Variants in DPYD observed in about 807,000 individuals in gnomAD.
DPYD encodes the protein dihydropyrimidine dehydrogenase, also known as dihydropyrimidine dehydrogenase [NADP(+)].
Under a neutral mutation model 116.2 loss-of-function variants are expected in DPYD, and 109 were observed. The observed-to-expected ratio is 0.94, with a 90% CI of 0.80 to 1.10. DPYD has a LOEUF of 1.10. DPYD is among the 50% of genes least tolerant of loss of function. The probability of loss-of-function intolerance (pLI) is 0.00; values close to 1 mark genes in which losing one functional copy is unlikely to be tolerated. For synonymous variants in DPYD, 440 were observed against 432.0 expected (o/e 1.02, Z -0.23); for missense variants, 1,302 against 1,254.5 (o/e 1.04, Z -0.57).
Position 97,181,018 on chromosome 1 carries a change from T to C in DPYD, c.2622+12051A>G, listed in dbSNP as rs547852411. Among the ~76,000 whole-genome samples, 8 of 152,274 alleles carry C rather than the reference T, an allele frequency of 5.3e-5. No individual in the cohort carries two copies. The South Asian group carries it at 8.3e-4, about 16-fold the overall frequency. On this transcript the variant is annotated intron_variant, in intron 20 of 22. Transcript: ENST00000370192. The stretch of plus-strand genomic sequence containing the variant: ...CACATTGCTGCCCAAATTCCTAGAA[T>C]TGGTGACCTGTTGGTACTCCACACT...
At chr1:97,370,581 A>C (rs1031526234) in intron 16 of DPYD, among the ~76,000 whole-genome samples, 3 of 152,132 alleles carry the variant, frequency 2.0e-5, no homozygotes, top group Non-Finnish European at 4.4e-5. Flanking sequence ...ACTTAAAGCA[A>C]ATTTTTTTTT....
At chr1:97,834,299 T>C (rs1463715091) in intron 2 of DPYD, among the ~76,000 whole-genome samples, 2 of 152,010 alleles carry the variant, frequency 1.3e-5, no homozygotes, top group Admixed American at 1.3e-4. Context: ...AATATTTATT[T>C]AGAACATAAT....
intron 3 of DPYD, among the ~76,000 whole-genome samples, chr1:97,804,157 T>C (rs1323380988): frequency 6.6e-6 from 1 of 151,826 alleles, no homozygotes; most frequent in East Asian, 1.9e-4. Context: ...TATTCTCATT[T>C]GTTATGAATA....
chr1:97,207,965 T>C (rs1190248635), intron 19 of DPYD, among the ~76,000 whole-genome samples: 2 of 152,168 alleles, frequency 1.3e-5, no homozygotes, highest in African/African-American at 4.8e-5. Flanking sequence ...AATGTATTAT[T>C]GAGCAAATTT....
At chr1:97,604,881 G>A (rs1655487664) in intron 8 of DPYD, among the ~76,000 whole-genome samples, 1 of 151,978 alleles carries the variant, frequency 6.6e-6, no homozygotes, top group African/African-American at 2.4e-5. Context: ...GTTTTTTACA[G>A]ACTCCAAGAC....
intron 8 of DPYD, among the ~76,000 whole-genome samples, chr1:97,651,104 T>C (rs1201581214): frequency 6.6e-6 from 1 of 152,158 alleles, no homozygotes; most frequent in Non-Finnish European, 1.5e-5. Context: ...TAGCTATAAT[T>C]TATTCATCTT....
At chr1:97,776,017 T>C (rs536660828) in intron 3 of DPYD, among the ~76,000 whole-genome samples, 1 of 152,150 alleles carries the variant, frequency 6.6e-6, no homozygotes, top group South Asian at 2.1e-4. Flanking sequence ...TTTGATAAGG[T>C]TGGGAGGGAA....
At chr1:97,354,015 C>T (rs1229138776) in intron 16 of DPYD, among the ~76,000 whole-genome samples, 2 of 152,200 alleles carry the variant, frequency 1.3e-5, no homozygotes, top group African/African-American at 4.8e-5. Context: ...CTTACCCTTT[C>T]TGAGTTCCTT....
chr1:97,444,994 C>T (rs955252900), intron 14 of DPYD, among the ~76,000 whole-genome samples: 1 of 152,098 alleles, frequency 6.6e-6, no homozygotes, highest in Non-Finnish European at 1.5e-5. Context: ...TAACGGCATG[C>T]CAGGCAAAGG....
intron 4 of DPYD, among the ~76,000 whole-genome samples, chr1:97,724,745 A>AT (rs1217068696): frequency 6.6e-6 from 1 of 151,612 alleles, no homozygotes; most frequent in Non-Finnish European, 1.5e-5. Flanking sequence ...CCAAGATAAA[A>AT]TTTAACCAAA....
At chr1:97,398,279 T>A (rs1673129649) in intron 14 of DPYD, among the ~76,000 whole-genome samples, 1 of 152,164 alleles carries the variant, frequency 6.6e-6, no homozygotes, top group Non-Finnish European at 1.5e-5. Flanking sequence ...CAGGAACTCA[T>A]TATTTTTTAT....
At chr1:97,455,451 T>A (rs1676629555) in intron 13 of DPYD, among the ~76,000 whole-genome samples, 1 of 151,952 alleles carries the variant, frequency 6.6e-6, no homozygotes, top group Non-Finnish European at 1.5e-5. Context: ...TAAATGTACT[T>A]CATGACCAAC....
chr1:97,656,961 A>G (rs898216479), intron 8 of DPYD, among the ~76,000 whole-genome samples: 5 of 138,012 alleles, frequency 3.6e-5, no homozygotes, highest in Non-Finnish European at 6.3e-5. Context: ...CTGCTGCATG[A>G]TTGTATTTTT....
At chr1:97,781,794 AT>A (rs1225461602) in intron 3 of DPYD, among the ~76,000 whole-genome samples, 16 of 152,234 alleles carry the variant, frequency 1.1e-4, no homozygotes, top group Admixed American at 3.3e-4. Context: ...CATTTTTTCT[AT>A]ACCAATAATG....
intron 21 of DPYD, among the ~76,000 whole-genome samples, chr1:97,097,687 A>C (rs76651381): frequency 0.14 from 21,465 of 152,108 alleles, 1,662 homozygotes; most frequent in Non-Finnish European, 0.17. Flanking sequence ...TTGCATCTTG[A>C]CTGTGGTGGT....
intron 3 of DPYD, among the ~76,000 whole-genome samples, chr1:97,813,385 G>T (rs990792964): frequency 4.6e-5 from 7 of 151,876 alleles, no homozygotes; most frequent in African/African-American, 1.7e-4. Context: ...ATGAAGAAAT[G>T]AAATATGAAG....
chr1:97,907,555 T>G (rs1339166137), intron 1 of DPYD, among the ~76,000 whole-genome samples: 2 of 152,076 alleles, frequency 1.3e-5, no homozygotes, highest in Non-Finnish European at 2.9e-5. Context: ...TTCTTCATAT[T>G]TAGGAATAGT....
At chr1:97,196,342 C>T (rs1200044863) in intron 19 of DPYD, among the ~76,000 whole-genome samples, 1 of 151,932 alleles carries the variant, frequency 6.6e-6, no homozygotes, top group Non-Finnish European at 1.5e-5. Context: ...GCTCAAACTC[C>T]TGAGCTCAAG....
intron 18 of DPYD, among the ~76,000 whole-genome samples, chr1:97,276,119 T>C (rs1664913970): frequency 6.6e-6 from 1 of 152,184 alleles, no homozygotes; most frequent in African/African-American, 2.4e-5. Flanking sequence ...TTAATCTATA[T>C]CTTCATTTGG....
Sources: gnomAD v4.1 joint callset for allele counts (sites outside exome capture counted in the v4.1 genomes callset) on GRCh38, gnomAD v4.1.1 for gene constraint, MANE v1.5 for transcripts, NCBI Gene and HGNC (gene_info 2026-07-23, HGNC 2026-07-21) for gene names.